LGR6: variants seen among roughly 807,000 people sequenced by gnomAD.
LGR6 encodes the protein leucine rich repeat containing G protein-coupled receptor 6.
A neutral mutation model predicts 69.4 loss-of-function variants in LGR6; 45 were observed. That is an observed-to-expected ratio of 0.65 (90% confidence interval 0.51 to 0.83). LGR6 has a LOEUF of 0.83. Ranked by LOEUF, LGR6 falls within the 40% of genes least tolerant of loss-of-function variation. The pLI, the probability that LGR6 is intolerant of heterozygous loss-of-function variation, is 0.00. For missense variants in LGR6, 1,108 were observed against 1,246.7 expected (o/e 0.89, Z 1.68); for synonymous variants, 538 against 555.0 (o/e 0.97, Z 0.43).
At position 202,318,872 on chromosome 1, in the gene LGR6, G is replaced by A. The variant is rs144773392; in HGVS notation, c.2569G>A (p.Gly857Arg). The A allele has an allele frequency of 1.0e-4, 161 of 1,613,776 alleles. 1 individual carries two copies. The highest frequency in any genetic ancestry group is 3.2e-4 in the Admixed American group (19 of 59,990). Residue 857 changes from glycine to arginine, a missense_variant, in exon 18 of 18, where the codon GGG becomes AGG. Coordinates refer to ENST00000367278, the MANE Select transcript of LGR6 (RefSeq NM_001017403.2). ...DSGPLAYAAAGELEKSSCDST... is the reference protein window; with the variant it reads ...DSGPLAYAAARELEKSSCDST... The stretch of plus-strand genomic sequence containing the variant: ...AGGGCCCCTAGCCTATGCTGCGGCC[G>A]GGGAGCTGGAGAAGAGCTCCTGTGA...
At chr1:202,218,756 T>C (rs1659951356) in intron 1 of LGR6, among the ~76,000 whole-genome samples, 1 of 152,210 alleles carries the variant, frequency 6.6e-6, no homozygotes, top group South Asian at 2.1e-4. Context: ...CCGGGAAGCC[T>C]TCTCTGCTGA....
intron 4 of LGR6, among the ~76,000 whole-genome samples, chr1:202,260,259 G>A (rs1193483698): frequency 2.0e-5 from 3 of 151,996 alleles, no homozygotes; most frequent in Non-Finnish European, 2.9e-5. Flanking sequence ...GACTGATTTC[G>A]AACTCCTAAC....
chr1:202,273,654 G>A (rs1467722590), intron 4 of LGR6, among the ~76,000 whole-genome samples: 1 of 151,592 alleles, frequency 6.6e-6, no homozygotes, highest in Non-Finnish European at 1.5e-5. Flanking sequence ...ACGGGGTTTC[G>A]CTATGTTGGT....
At chr1:202,196,829 G>A (rs891464996) in intron 1 of LGR6, among the ~76,000 whole-genome samples, 1 of 152,146 alleles carries the variant, frequency 6.6e-6, no homozygotes, top group Non-Finnish European at 1.5e-5. Context: ...ATGGTTTGTG[G>A]CTGGAGGAAG....
intron 6 of LGR6, among the ~76,000 whole-genome samples, chr1:202,292,583 T>C (rs1666871951): frequency 6.6e-6 from 1 of 152,170 alleles, no homozygotes; most frequent in Non-Finnish European, 1.5e-5. Context: ...AGGAGACAAG[T>C]TGTCTATTTT....
In LGR6 at chr1:202,228,734, TG is replaced by T. The variant is rs571701718; in HGVS notation, c.356+730del. On this transcript the variant is annotated intron_variant, in intron 3 of 17. Transcript: ENST00000367278. ...TATGATGAGTGAGGGCAAGAGGAAT[TG>T]GGAGGAAGCGGATGCATAGGGACTG... Among the ~76,000 whole-genome samples the T allele has an allele frequency of 2.0e-5, 3 of 152,178 alleles. No individual in the cohort carries two copies. The South Asian group carries it at 6.2e-4, about 32-fold the overall frequency.
chr1:202,214,330 G>A (rs1248652966), intron 1 of LGR6: 8 of 1,295,890 alleles, frequency 6.2e-6, no homozygotes, highest in Non-Finnish European at 8.3e-6. Context: ...GCGACGGGTG[G>A]GGCGCTACCC....
At chr1:202,244,083 A>T (rs1662442472) in intron 4 of LGR6, among the ~76,000 whole-genome samples, 1 of 152,056 alleles carries the variant, frequency 6.6e-6, no homozygotes, top group South Asian at 2.1e-4. Context: ...TCAGCCTCCC[A>T]AGTAGCTGGG....
chr1:202,303,215 T>C (rs1363230826), intron 9 of LGR6, 64 bp from the exon 10 acceptor site: 2 of 1,213,676 alleles, frequency 1.6e-6, no homozygotes, highest in Non-Finnish European at 2.4e-6. Flanking sequence ...AAATGGAGAA[T>C]TGAGAGTCTT....
At chr1:202,295,869 T>TTGTGTGTGTGTG in intron 6 of LGR6, among the ~76,000 whole-genome samples, 1 of 116,594 alleles carries the variant, frequency 8.6e-6, no homozygotes, top group Non-Finnish European at 1.8e-5. Context: ...ATTGGGTAAT[T>TTGTGTGTGTGTG]AGTGTGTGTG....
At chr1:202,214,435 G>A (rs966947253) in intron 1 of LGR6, among the ~76,000 whole-genome samples, 2 of 145,088 alleles carry the variant, frequency 1.4e-5, no homozygotes, top group Non-Finnish European at 2.9e-5. Flanking sequence ...CGCGGGCAGG[G>A]GCGGGCAGGG....
chr1:202,280,496 G>C (rs369833837), intron 5 of LGR6, among the ~76,000 whole-genome samples: 5 of 152,182 alleles, frequency 3.3e-5, no homozygotes, highest in Non-Finnish European at 7.3e-5. Flanking sequence ...GTCTTCTAGA[G>C]CTTAGGGGGA....
intron 8 of LGR6, 109 bp from the exon 9 acceptor site, chr1:202,301,055 A>G (rs753081203): frequency 4.5e-6 from 6 of 1,340,008 alleles, no homozygotes; most frequent in South Asian, 1.2e-5. Context: ...CTTTCCCTGC[A>G]TGTTCTTTCC....
At chr1:202,203,275 A>T (rs1658902078) in intron 1 of LGR6, among the ~76,000 whole-genome samples, 1 of 152,156 alleles carries the variant, frequency 6.6e-6, no homozygotes, top group Admixed American at 6.5e-5. Flanking sequence ...AGCACCTCCT[A>T]TAGGAAGGAA....
chr1:202,204,449 A>C (rs1284509868), intron 1 of LGR6, among the ~76,000 whole-genome samples: 1 of 34,048 alleles, frequency 2.9e-5, no homozygotes, highest in African/African-American at 9.2e-5. Context: ...ACACACCTCC[A>C]CACACACACA....
rs546869679 is a variant in LGR6 at position 202,210,494 on chromosome 1, G to C, written c.213-14929G>C. ...GACCTATTTGAGAGAGAGGGAGGGA[G>C]GGCAGCCCTCTTCAGACCTGGTAGT... On this transcript the variant is annotated intron_variant, in intron 1 of 17. Transcript: ENST00000367278. Among the ~76,000 whole-genome samples, 96 of 151,960 alleles carry C rather than the reference G, an allele frequency of 6.3e-4. 1 individual carries two copies. In the South Asian group the frequency reaches 0.017, roughly 26 times the overall value.
intron 1 of LGR6, among the ~76,000 whole-genome samples, chr1:202,220,256 C>T (rs556697287): frequency 6.6e-6 from 1 of 150,994 alleles, no homozygotes; most frequent in South Asian, 2.1e-4. Context: ...CTCATTCTGT[C>T]GTCCCGTTCG....
intron 6 of LGR6, among the ~76,000 whole-genome samples, chr1:202,286,136 A>T (rs1666378003): frequency 6.6e-6 from 1 of 152,196 alleles, no homozygotes; most frequent in African/African-American, 2.4e-5. Context: ...CCTTCTGCAG[A>T]GGCCCTCTTT....
intron 3 of LGR6, among the ~76,000 whole-genome samples, chr1:202,232,555 G>A (rs1661173569): frequency 6.6e-6 from 1 of 152,136 alleles, no homozygotes; most frequent in Non-Finnish European, 1.5e-5. Context: ...CAGGTGCAGT[G>A]GTTCATGCCT....
Sources: allele counts gnomAD v4.1 joint callset (sites outside exome capture counted in the v4.1 genomes callset), GRCh38; gene constraint gnomAD v4.1.1; transcripts MANE v1.5; gene names NCBI Gene and HGNC (gene_info 2026-07-23, HGNC 2026-07-21).